The following SH3YL1 variants were observed in gnomAD, a reference collection of about 807,000 sequenced individuals.
SH3YL1 encodes the protein SH3 and SYLF domain containing 1, also known as SH3 domain-containing YSC84-like protein 1.
Under a neutral mutation model 45.8 loss-of-function variants are expected in SH3YL1, and 41 were observed. The ratio of observed to expected loss-of-function variants is 0.89; its 90% CI spans 0.70 to 1.16. SH3YL1 has a LOEUF of 1.16. Ranked by LOEUF, SH3YL1 falls within the 50% of genes most tolerant of loss-of-function variation. SH3YL1 has a pLI of 0.00. For missense variants in SH3YL1, 389 were observed against 409.6 expected, an observed-to-expected ratio of 0.95 and a Z score of 0.43; for synonymous variants, 152 against 151.4, an observed-to-expected ratio of 1.00 and a Z score of -0.03.
chr2:252,737 A>G (rs1441408413), intron 2 of SH3YL1, among the ~76,000 whole-genome samples: 2 of 152,186 alleles, frequency 1.3e-5, no homozygotes, highest in African/African-American at 4.8e-5. Flanking sequence ...AACATTGCCA[A>G]AGTTAATTGG....
chr2:219,509 G>A (rs1274172805), intron 9 of SH3YL1, among the ~76,000 whole-genome samples: 1 of 152,112 alleles, frequency 6.6e-6, no homozygotes, highest in African/African-American at 2.4e-5. Flanking sequence ...CAGAAACCGA[G>A]ACCTTGCCAG....
chr2:264,807 C>A, upstream of SH3YL1: 2 of 804,802 alleles, frequency 2.5e-6, no homozygotes, highest in East Asian at 6.0e-5. Context: ...TCCGCAGGCG[C>A]ACTGGAGCCG....
chr2:259,211 G>A (rs578183563), intron 1 of SH3YL1, among the ~76,000 whole-genome samples: 1 of 152,302 alleles, frequency 6.6e-6, no homozygotes, highest in East Asian at 1.9e-4. Context: ...TGAGTAGCAG[G>A]AGCCATTTCG....
intron 7 of SH3YL1, 104 bp downstream of exon 7, chr2:230,919 G>T: frequency 9.4e-7 from 1 of 1,069,410 alleles, no homozygotes; most frequent in Non-Finnish European, 1.4e-6. Context: ...GTGAAACTAC[G>T]AAGGAGGCTT....
At chr2:264,695 CG>C, upstream of SH3YL1, 4 of 418,954 alleles carry the variant, frequency 9.5e-6, no homozygotes, top group Non-Finnish European at 8.5e-6. Flanking sequence ...CCTCCTCCTC[CG>C]GACAACCTGC....
chr2:241,261 A>T (rs947852058), intron 4 of SH3YL1: 1 of 152,204 alleles, frequency 6.6e-6, no homozygotes, highest in Non-Finnish European at 1.5e-5. Flanking sequence ...TAAAAAGTAC[A>T]TTAAGCAACA....
intron 4 of SH3YL1, 110 bp downstream of exon 4, chr2:247,428 G>T: frequency 1.4e-6 from 1 of 737,768 alleles, no homozygotes. Context: ...TTTTTCCTAA[G>T]TGCCAATGGT....
At chr2:238,259 T>TGTGTG (rs1668391406) in intron 4 of SH3YL1, among the ~76,000 whole-genome samples, 4 of 141,860 alleles carry the variant, frequency 2.8e-5, no homozygotes, top group African/African-American at 1.1e-4. Flanking sequence ...TCCTCCCTCC[T>TGTGTG]TGTGTGTGTG....
chr2:219,312 C>G (rs1667481992), intron 9 of SH3YL1, among the ~76,000 whole-genome samples: 1 of 152,126 alleles, frequency 6.6e-6, no homozygotes, highest in African/African-American at 2.4e-5. Flanking sequence ...CTGTGTCCCC[C>G]TGAGATTCAA....
intron 9 of SH3YL1, among the ~76,000 whole-genome samples, chr2:221,335 C>T (rs1667565442): frequency 6.6e-6 from 1 of 152,136 alleles, no homozygotes; most frequent in Non-Finnish European, 1.5e-5. Flanking sequence ...GCATCTGATG[C>T]TATGGTTCTG....
chr2:259,411 ACTCT>A (rs962244915), intron 1 of SH3YL1: 4 of 151,134 alleles, frequency 2.6e-5, no homozygotes, highest in South Asian at 2.1e-4. Context: ...AAAAACATTG[ACTCT>A]CTGTTACTTG....
intron 8 of SH3YL1, among the ~76,000 whole-genome samples, chr2:225,461 C>G (rs1213563301): frequency 1.3e-5 from 2 of 152,204 alleles, no homozygotes; most frequent in Non-Finnish European, 2.9e-5. Flanking sequence ...AAGAACTTAT[C>G]CAGGAGCTGG....
At chr2:239,258 A>C (rs893911241) in intron 4 of SH3YL1, among the ~76,000 whole-genome samples, 4 of 152,350 alleles carry the variant, frequency 2.6e-5, no homozygotes, top group African/African-American at 4.8e-5. Context: ...GAATGTCCTA[A>C]GGCATCCATT....
Position 218,914 on chromosome 2 carries a change from C to T in SH3YL1, c.926G>A (p.Arg309Lys). Residue 309 changes from arginine to lysine, a missense_variant, in exon 10 of 10, where the codon AGA becomes AAA. Physicochemically the swap from Arg to Lys is conservative, Grantham distance 26. Coordinates refer to ENST00000356150, the MANE Select transcript of SH3YL1 (RefSeq NM_015677.4). The part of the protein sequence containing the change: ...PGDLNFQAGD[R>K]ITVISKTDSH... The stretch of plus-strand genomic sequence containing the variant: ...ATCTGTTTTTGATATAACTGTGATT[C>T]TGTCTCCAGCTTGAAAATTCAAATC... 6.2e-7 allele frequency: 1 copy of T among 1,614,112 alleles called. No individual in the cohort carries two copies. The highest frequency in any genetic ancestry group is 2.2e-5 in the East Asian group (1 of 44,864).
At chr2:262,562 AT>A (rs1165285707) in intron 1 of SH3YL1, 4 of 1,302,312 alleles carry the variant, frequency 3.1e-6, no homozygotes, top group Non-Finnish European at 4.0e-6. Context: ...CTCAGAGAAA[AT>A]TTTTTTAAAA....
chr2:249,415 A>G (rs1395771562), intron 3 of SH3YL1, among the ~76,000 whole-genome samples: 1 of 152,240 alleles, frequency 6.6e-6, no homozygotes, highest in African/African-American at 2.4e-5. Context: ...AAGAATTCAT[A>G]TTAAACAAAA....
intron 1 of SH3YL1, among the ~76,000 whole-genome samples, chr2:261,534 G>A (rs1228496932): frequency 5.9e-5 from 9 of 152,010 alleles, no homozygotes; most frequent in South Asian, 2.1e-4. Flanking sequence ...AAATTAGAAG[G>A]TCTTATAAAA....
chr2:264,794 G>A (rs145245512), upstream of SH3YL1: 847 of 697,852 alleles, frequency 1.2e-3, 2 homozygotes, highest in Middle Eastern at 1.7e-3. Context: ...TCATAGGACC[G>A]CCTCCGCAGG....
chr2:231,216 A>C, intron 6 of SH3YL1, 25 bp from the exon 7 acceptor site: 2 of 1,515,560 alleles, frequency 1.3e-6, no homozygotes, highest in Non-Finnish European at 1.8e-6. Flanking sequence ...AAAATTAAAA[A>C]CATTTTAATA....
Sources: allele counts gnomAD v4.1 joint callset (sites outside exome capture counted in the v4.1 genomes callset), GRCh38; gene constraint gnomAD v4.1.1; transcripts MANE v1.5; gene names NCBI Gene and HGNC (gene_info 2026-07-23, HGNC 2026-07-21).